The following HDAC5 variants were observed in gnomAD, a reference collection of about 807,000 sequenced individuals.
The protein encoded by HDAC5 is histone deacetylase 5.
A neutral mutation model predicts 133.3 loss-of-function variants in HDAC5; 25 were observed. The observed-to-expected ratio is 0.19, with a 90% CI of 0.14 to 0.26. The LOEUF is 0.26. HDAC5 is among the 10% of genes least tolerant of loss of function. The pLI, the probability that HDAC5 is intolerant of heterozygous loss-of-function variation, is 1.00. For missense variants in HDAC5, 1,041 were observed against 1,460.5 expected, an observed-to-expected ratio of 0.71 and a Z score of 4.68; for synonymous variants, 589 against 610.8, an observed-to-expected ratio of 0.96 and a Z score of 0.53.
chr17:44,089,220 T>C (rs1259591514), intron 11 of HDAC5, among the ~76,000 whole-genome samples: 1 of 152,216 alleles, frequency 6.6e-6, no homozygotes, highest in Non-Finnish European at 1.5e-5. Context: ...ATCTCATTGG[T>C]AACTGCATAT....
Position 44,123,510 on chromosome 17 carries a change from C to T in HDAC5, c.-196G>A, listed in dbSNP as rs1036829890. ...GCCGGGGCGGCGCGCTCACCCGCTG[C>T]GGCTCGAGCTCCGGCTTCGCGGGCG... is the stretch of plus-strand genomic sequence containing the variant. On this transcript the variant is annotated 5_prime_UTR_variant, in exon 1 of 27. Transcript: ENST00000682912. 2.6e-6 allele frequency: 1 copy of T among 386,592 alleles called. No homozygotes were observed. The highest frequency in any genetic ancestry group is 4.6e-6 in the Non-Finnish European group (1 of 219,136). 23.9% of individuals were successfully genotyped at this position (386,592 alleles called of 1,614,324 possible).
At chr17:44,082,695 G>A (rs766485100) in intron 19 of HDAC5, 23 bp from the exon 20 acceptor site, 4 of 1,612,280 alleles carry the variant, frequency 2.5e-6, no homozygotes, top group Admixed American at 1.7e-5. Flanking sequence ...GAAAAGGGCA[G>A]GAGGTCAGCC....
chr17:44,123,088 G>GA lies in HDAC5; in HGVS notation c.-190+415dup, dbSNP rs532469385. 1.5e-3 allele frequency among the ~76,000 whole-genome samples: 236 copies of GA among 152,300 alleles called. 6 individuals carry two copies. Among genetic ancestry groups the GA allele is most frequent in the African/African-American group, 5.4e-3 (226 of 41,590 alleles). On this transcript the variant is annotated intron_variant, in intron 1 of 26. Transcript: ENST00000682912. The stretch of plus-strand genomic sequence containing the variant: ...AGCACCCCTCACCTCAGAGTACCAA[G>GA]AAAGGGGTGTCCAGCGAAGAGGGGT...
chr17:44,097,032 TA>T (rs1567670464), intron 3 of HDAC5, among the ~76,000 whole-genome samples: 1 of 152,196 alleles, frequency 6.6e-6, no homozygotes, highest in African/African-American at 2.4e-5. Flanking sequence ...GAACAATTTT[TA>T]AAGAGAAGAG....
chr17:44,111,358 G>T, intron 2 of HDAC5: 1 of 335,430 alleles, frequency 3.0e-6, no homozygotes. Context: ...GGGGGAGGCG[G>T]TTCTACCCCA....
intron 18 of HDAC5, 135 bp from the exon 19 acceptor site, chr17:44,082,955 C>T: frequency 1.3e-6 from 1 of 743,822 alleles, no homozygotes; most frequent in South Asian, 1.7e-5. Flanking sequence ...GTTTAATGCA[C>T]AATTTTGTTG....
At chr17:44,081,957 T>G (rs1368569599) in intron 20 of HDAC5, 1 of 152,160 alleles carries the variant, frequency 6.6e-6, no homozygotes, top group Non-Finnish European at 1.5e-5. Context: ...TCCAAGAGAT[T>G]TTGTCCTTCC....
chr17:44,078,919 G>A, intron 24 of HDAC5, 40 bp from the exon 25 acceptor site: 1 of 1,600,014 alleles, frequency 6.2e-7, no homozygotes, highest in Non-Finnish European at 8.6e-7. Flanking sequence ...GTGGGGAGTA[G>A]GGTTGCCATG....
chr17:44,098,447 A>G (rs1455725165), intron 3 of HDAC5, among the ~76,000 whole-genome samples: 1 of 152,166 alleles, frequency 6.6e-6, no homozygotes, highest in Non-Finnish European at 1.5e-5. Flanking sequence ...CTTAAAAAAA[A>G]GGGAACCTGG....
chr17:44,097,065 T>C (rs899504956), intron 3 of HDAC5, among the ~76,000 whole-genome samples: 3 of 151,968 alleles, frequency 2.0e-5, no homozygotes, highest in Admixed American at 6.6e-5. Context: ...AGGTAGGAGG[T>C]GGCAAAGGGT....
chr17:44,090,190 G>A (rs931142313), intron 11 of HDAC5, among the ~76,000 whole-genome samples: 5 of 151,556 alleles, frequency 3.3e-5, no homozygotes, highest in Admixed American at 6.6e-5. Context: ...CCAAGATCAC[G>A]CCACTGCACT....
chr17:44,086,028 A>AG (rs2143138111), intron 14 of HDAC5, among the ~76,000 whole-genome samples: 1 of 152,148 alleles, frequency 6.6e-6, no homozygotes, highest in East Asian at 1.9e-4. Flanking sequence ...CTGCTCCTCA[A>AG]GCCCCAGCAA....
chr17:44,098,883 G>A (rs968076850), intron 3 of HDAC5, among the ~76,000 whole-genome samples: 26 of 151,662 alleles, frequency 1.7e-4, no homozygotes, highest in Admixed American at 7.2e-4. Context: ...TTGGGAGTCC[G>A]AGGCGGGAGG....
At chr17:44,090,399 G>C (rs562121225) in intron 11 of HDAC5, among the ~76,000 whole-genome samples, 12 of 151,980 alleles carry the variant, frequency 7.9e-5, no homozygotes, top group Admixed American at 3.3e-4. Flanking sequence ...TTTTGAGACA[G>C]AGTGTCGCTC....
intron 3 of HDAC5, among the ~76,000 whole-genome samples, chr17:44,097,299 C>G (rs1367695131): frequency 6.6e-6 from 1 of 152,254 alleles, no homozygotes; most frequent in Non-Finnish European, 1.5e-5. Context: ...CCAGCCTCTT[C>G]TCCCCCAGGC....
intron 23 of HDAC5, among the ~76,000 whole-genome samples, chr17:44,079,723 G>A (rs1466366849): frequency 6.6e-6 from 1 of 151,348 alleles, no homozygotes; most frequent in East Asian, 1.9e-4. Flanking sequence ...TGTGATGGGA[G>A]ATATAAACCC....
chr17:44,083,440 C>A, intron 18 of HDAC5, 105 bp downstream of exon 18: 1 of 766,282 alleles, frequency 1.3e-6, no homozygotes, highest in South Asian at 1.7e-5. Context: ...GTTGAGCTTG[C>A]AAAGGACAGT....
intron 2 of HDAC5, 100 bp from the exon 3 acceptor site, chr17:44,110,900 A>G (rs773640425): frequency 9.8e-7 from 1 of 1,017,352 alleles, no homozygotes; most frequent in South Asian, 1.4e-5. Context: ...GGGCCGCCAG[A>G]GGCGGGGAGC....
intron 3 of HDAC5, among the ~76,000 whole-genome samples, chr17:44,096,414 C>G (rs228747): frequency 0.37 from 56,309 of 151,164 alleles, 13,185 homozygotes; most frequent in Middle Eastern, 0.58. Flanking sequence ...CAGACCACCC[C>G]CCAGCATTAA....
Sources: gnomAD v4.1 joint callset for allele counts (sites outside exome capture counted in the v4.1 genomes callset) on GRCh38, gnomAD v4.1.1 for gene constraint, MANE v1.5 for transcripts, NCBI Gene and HGNC (gene_info 2026-07-23, HGNC 2026-07-21) for gene names.